Variants in CABIN1 observed in about 807,000 individuals in gnomAD.
CABIN1 encodes calcineurin-binding protein cabin-1.
A neutral mutation model predicts 227.7 loss-of-function variants in CABIN1; 133 were observed. The observed-to-expected ratio is 0.58, with a 90% confidence interval of 0.51 to 0.67. The LOEUF (loss-of-function observed/expected upper bound fraction) is 0.67. Ranked by LOEUF, CABIN1 falls within the 30% of genes least tolerant of loss-of-function variation. The pLI is 0.00. For missense variants in CABIN1, 2,408 were observed against 2,852.5 expected (o/e 0.84, Z 3.55); for synonymous variants, 1,086 against 1,155.1 (o/e 0.94, Z 1.21).
At chr22:24,081,751 G>A (rs1272938895) in intron 19 of CABIN1, among the ~76,000 whole-genome samples, 1 of 151,642 alleles carries the variant, frequency 6.6e-6, no homozygotes, top group South Asian at 2.1e-4. Context: ...TTTGGGCCAG[G>A]TGCAGTGGCT....
chr22:24,171,923 C>G lies in CABIN1; in HGVS notation c.5968C>G (p.Gln1990Glu), dbSNP rs142021680. Residue 1990 changes from glutamine to glutamate, a missense_variant, in exon 34 of 37, where the codon CAG (glutamine) becomes GAG (glutamate). Around this residue, in one of 3 missense-constraint regions of CABIN1, gnomAD observed 714 missense variants for 773.8 expected, o/e 0.92. Transcript: ENST00000263119. ...GTCAGCATCAGCTTCCACCCTGGAC[C>G]AGTCCAAGGACCCTGGGCCTCCCCG... ...PPSASASTLD[Q>E]SKDPGPPRPH... The G allele has an allele frequency of 1.6e-3, 2,549 of 1,613,962 alleles. 30 individuals are homozygous for G. The African/African-American group carries it at 0.03, about 19-fold the overall frequency.
chr22:24,174,716 T>C (rs1467445023), intron 34 of CABIN1, among the ~76,000 whole-genome samples: 1 of 152,092 alleles, frequency 6.6e-6, no homozygotes, highest in Non-Finnish European at 1.5e-5. Context: ...AGGTCCTCAC[T>C]GGTTATTGGC....
At chr22:24,152,794 A>G (rs1272144436) in intron 29 of CABIN1, among the ~76,000 whole-genome samples, 2 of 152,182 alleles carry the variant, frequency 1.3e-5, no homozygotes, top group African/African-American at 2.4e-5. Flanking sequence ...TACTAAAAAT[A>G]TAAAAATTAG....
intron 28 of CABIN1, among the ~76,000 whole-genome samples, chr22:24,128,367 C>A (rs1214116950): frequency 1.3e-5 from 2 of 152,106 alleles, no homozygotes; most frequent in Non-Finnish European, 2.9e-5. Context: ...AACAGACATT[C>A]TAATTATAAT....
intron 31 of CABIN1, among the ~76,000 whole-genome samples, chr22:24,165,921 T>G (rs2046419659): frequency 6.6e-6 from 1 of 152,150 alleles, no homozygotes; most frequent in Non-Finnish European, 1.5e-5. Flanking sequence ...TCCCAAGCCC[T>G]CTCCCTGGCA....
At chr22:24,065,752 G>A (rs968609063) in intron 15 of CABIN1, among the ~76,000 whole-genome samples, 3 of 152,264 alleles carry the variant, frequency 2.0e-5, no homozygotes, top group South Asian at 2.1e-4. Context: ...CTGCAATCCC[G>A]GCACCTCGGG....
At chr22:24,166,298 G>A (rs1024659535) in intron 31 of CABIN1, among the ~76,000 whole-genome samples, 6 of 152,214 alleles carry the variant, frequency 3.9e-5, no homozygotes, top group Admixed American at 2.0e-4. Context: ...CGGAGTTCAC[G>A]TCATGGAGTC....
intron 26 of CABIN1, among the ~76,000 whole-genome samples, chr22:24,101,521 AC>A (rs1204977864): frequency 6.6e-6 from 1 of 152,208 alleles, no homozygotes; most frequent in East Asian, 1.9e-4. Flanking sequence ...CCTTCACGGA[AC>A]AGCCAGGAGG....
chr22:24,020,983 C>T (rs1478052811), intron 1 of CABIN1, among the ~76,000 whole-genome samples: 1 of 151,708 alleles, frequency 6.6e-6, no homozygotes, highest in Non-Finnish European at 1.5e-5. Flanking sequence ...ATTTTTTCTC[C>T]ACTTGATTTG....
intron 24 of CABIN1, among the ~76,000 whole-genome samples, chr22:24,093,508 A>C (rs1449301857): frequency 6.6e-6 from 1 of 151,004 alleles, no homozygotes; most frequent in Non-Finnish European, 1.5e-5. Flanking sequence ...GTGCCACTGC[A>C]CTCCAGCCTG....
chr22:24,018,967 T>C lies in CABIN1; in HGVS notation c.-75+7600T>C, dbSNP rs764195220. On this transcript the variant is annotated intron_variant, in intron 1 of 36. Transcript: ENST00000263119. Reference sequence around the variant, plus strand: ...GTGATTTAAACTTTTTCTTGCACAGTTTTAATTAACTTTATTCCTAAGTAT... The same window carrying C: ...GTGATTTAAACTTTTTCTTGCACAGCTTTAATTAACTTTATTCCTAAGTAT... Among the ~76,000 whole-genome samples, 302 of 152,214 alleles carry C rather than the reference T, an allele frequency of 2.0e-3. 4 individuals are homozygous for C. Among genetic ancestry groups the C allele is most frequent in the Non-Finnish European group, 1.1e-3 (76 of 68,004 alleles).
chr22:24,164,352 T>G (rs760465591), intron 29 of CABIN1, 48 bp from the exon 30 acceptor site: 1 of 1,596,152 alleles, frequency 6.3e-7, no homozygotes, highest in African/African-American at 1.3e-5. Context: ...TCCCCGAGGC[T>G]CCTGCCACAA....
In CABIN1 at chr22:24,120,799, C is replaced by T. The variant is rs1056660502; in HGVS notation, c.4632+1101C>T. 3.3e-5 allele frequency among the ~76,000 whole-genome samples: 5 copies of T among 152,042 alleles called. No homozygotes were observed. In the South Asian group the frequency reaches 6.2e-4, roughly 19 times the overall value. Reference sequence around the variant, plus strand: ...CTGCACTTCAGCCTGGGCAACAGAGCGAGACTCATCTGAAAAACAAAAATA... The same window carrying T: ...CTGCACTTCAGCCTGGGCAACAGAGTGAGACTCATCTGAAAAACAAAAATA... On this transcript the variant is annotated intron_variant, in intron 28 of 36. Transcript: ENST00000263119.
At chr22:24,171,348 G>A (rs531443109) in intron 33 of CABIN1, among the ~76,000 whole-genome samples, 46 of 152,326 alleles carry the variant, frequency 3.0e-4, no homozygotes, top group African/African-American at 1.0e-3. Context: ...TCCCTGGGTT[G>A]GGAGCTGCAC....
chr22:24,081,985 C>G (rs900300895), intron 19 of CABIN1, among the ~76,000 whole-genome samples: 1 of 152,118 alleles, frequency 6.6e-6, no homozygotes, highest in Non-Finnish European at 1.5e-5. Flanking sequence ...CGAGATTGTT[C>G]CACTGCACTC....
chr22:24,061,553 G>A lies in CABIN1; in HGVS notation c.1618-394G>A, dbSNP rs182210831. Among the ~76,000 whole-genome samples, 391 of 152,382 alleles carry A rather than the reference G, an allele frequency of 2.6e-3. 6 individuals carry two copies. The South Asian group carries it at 0.035, about 14-fold the overall frequency. Reference sequence around the variant, plus strand: ...ATCACCTTCCAGCTGTGCCCAATGGGCAAGTGCCTTCTCATCACTGAGCCT... The same window carrying A: ...ATCACCTTCCAGCTGTGCCCAATGGACAAGTGCCTTCTCATCACTGAGCCT... On this transcript the variant is annotated intron_variant, in intron 12 of 36. Transcript: ENST00000263119.
rs1601325246 is a variant in CABIN1, at chr22:24,177,610, C to T, written c.6312C>T (p.Pro2104=). ...CAACAGCTGCCAGCTCCAAGGCCCC[C>T]AGCAGTGGGAGTGCCCAGCCACCAG... The part of the protein sequence containing the change: ...SPPTAASSKA[P]SSGSAQPPEG... The change falls in exon 36 of 37, where the codon CCC becomes CCT. Residue 2104 remains proline, a synonymous_variant. Coordinates refer to ENST00000263119, the MANE Select transcript of CABIN1 (RefSeq NM_012295.4). This position sits in a 1 kb window ranked among gnomAD's most constrained non-coding sequence, Gnocchi z 4.4. 5 of 1,612,674 alleles carry T rather than the reference C, an allele frequency of 3.1e-6. No individual in the cohort carries two copies. The East Asian group carries it at 1.1e-4, about 36-fold the overall frequency.
intron 26 of CABIN1, among the ~76,000 whole-genome samples, chr22:24,111,282 G>A (rs1048081470): frequency 1.3e-5 from 2 of 152,266 alleles, no homozygotes; most frequent in Admixed American, 6.5e-5. Context: ...CATCTAACAC[G>A]GGGGTCCCCA....
chr22:24,061,821 A>C, intron 12 of CABIN1, 126 bp from the exon 13 acceptor site: 1 of 731,820 alleles, frequency 1.4e-6, no homozygotes. Context: ...TGAAATGGCA[A>C]GTGGATAGAA....
Sources: gnomAD v4.1 joint callset for allele counts (sites outside exome capture counted in the v4.1 genomes callset) on GRCh38, gnomAD v4.1.1 for gene constraint, gnomAD v4.1.1 regional missense constraint, Gnocchi (gnomAD v3.1) non-coding constraint, MANE v1.5 for transcripts, NCBI Gene and HGNC (gene_info 2026-07-23, HGNC 2026-07-21) for gene names.